NLGN1: variants seen among roughly 807,000 people sequenced by gnomAD.
The protein encoded by NLGN1 is neuroligin-1.
In NLGN1, 12 loss-of-function variants were observed where a neutral mutation model predicts 65.5. The observed-to-expected ratio is 0.18, with a 90% confidence interval of 0.12 to 0.30. The LOEUF (loss-of-function observed/expected upper bound fraction) is 0.30, where lower values mean the gene tolerates loss of function less well. Among genes scored for constraint, NLGN1 ranks in the 10% least tolerant of loss-of-function variants. The pLI is 1.00. For synonymous variants in NLGN1, 350 were observed against 359.5 expected, an observed-to-expected ratio of 0.97 and a Z score of 0.30; for missense variants, 750 against 1,007.1, an observed-to-expected ratio of 0.74 and a Z score of 3.46.
At chr3:173,626,683 G>T (rs1393558656) in intron 3 of NLGN1, among the ~76,000 whole-genome samples, 2 of 152,006 alleles carry the variant, frequency 1.3e-5, no homozygotes, top group Non-Finnish European at 2.9e-5. Flanking sequence ...ACCAGTGTGG[G>T]CCACATACCT....
chr3:173,522,245 G>C (rs1194366019), intron 2 of NLGN1, among the ~76,000 whole-genome samples: 1 of 152,150 alleles, frequency 6.6e-6, no homozygotes, highest in African/African-American at 2.4e-5. Context: ...GTAGGATAAT[G>C]GCCTCTGGCC....
intron 4 of NLGN1, among the ~76,000 whole-genome samples, chr3:174,016,904 T>C (rs1306118831): frequency 6.6e-6 from 1 of 151,872 alleles, no homozygotes; most frequent in African/African-American, 2.4e-5. Flanking sequence ...AAACATTGGA[T>C]TGGGTTGAGA....
At chr3:173,843,712 A>G (rs1467594350) in intron 4 of NLGN1, among the ~76,000 whole-genome samples, 2 of 152,144 alleles carry the variant, frequency 1.3e-5, no homozygotes, top group African/African-American at 2.4e-5. Context: ...CCATATTACT[A>G]TCAGCATTGT....
Position 173,534,276 on chromosome 3 carries a change from C to T in NLGN1, c.-320-70003C>T, listed in dbSNP as rs532576703. On this transcript the variant is annotated intron_variant, in intron 2 of 6. Transcript: ENST00000457714. ...AGATTCTTTTGCAAATAAGTGTCCT[C>T]ATTAATTTCTTAATAGTGTTTTCAC... 6.7e-3 allele frequency among the ~76,000 whole-genome samples: 1,019 copies of T among 152,298 alleles called. 18 individuals are homozygous for T. The highest frequency in any genetic ancestry group is 0.023 in the African/African-American group (964 of 41,576).
At chr3:173,873,263 A>T (rs369116141) in intron 4 of NLGN1, among the ~76,000 whole-genome samples, 4 of 151,838 alleles carry the variant, frequency 2.6e-5, no homozygotes, top group Non-Finnish European at 4.4e-5. Context: ...TAATTTTTGT[A>T]TTTTTAGTAG....
chr3:173,470,672 A>G (rs976425660), intron 2 of NLGN1, among the ~76,000 whole-genome samples: 17 of 152,156 alleles, frequency 1.1e-4, no homozygotes, highest in African/African-American at 4.1e-4. Flanking sequence ...CCAAGTGTCT[A>G]AAACAGTCTT....
chr3:174,002,403 T>G (rs1460863961), intron 4 of NLGN1, among the ~76,000 whole-genome samples: 1 of 152,168 alleles, frequency 6.6e-6, no homozygotes. Flanking sequence ...GCCGGGATTA[T>G]AGGTGTGAGC....
chr3:173,940,080 CTTTTT>C lies in NLGN1; in HGVS notation c.646+132269_646+132273del, dbSNP rs531013909. 8.0e-4 allele frequency among the ~76,000 whole-genome samples: 60 copies of C among 75,420 alleles called. No homozygotes were observed. The East Asian group carries it at 0.026, about 32-fold the overall frequency. The allele number at this position is 75,420 out of a possible 152,430, so 49.5% of individuals were successfully genotyped here. On this transcript the variant is annotated intron_variant, in intron 4 of 6. Coordinates refer to ENST00000457714, the Ensembl canonical transcript of NLGN1. ...AAATTTTACACTCAAATAGTTATAG[CTTTTT>C]TTTTTTTTTTTTTTTTTTTTGAGAT...
intron 4 of NLGN1, among the ~76,000 whole-genome samples, chr3:173,899,505 A>T (rs534588775): frequency 6.6e-6 from 1 of 152,296 alleles, no homozygotes; most frequent in African/African-American, 2.4e-5. Flanking sequence ...ACTATGACCA[A>T]TAGGCCAAAC....
chr3:173,457,868 C>G lies in NLGN1; in HGVS notation c.-321+22790C>G, dbSNP rs551830559. 1.8e-3 allele frequency among the ~76,000 whole-genome samples: 275 copies of G among 152,032 alleles called. 1 individual carries two copies. Among genetic ancestry groups the G allele is most frequent in the African/African-American group, 6.4e-3 (266 of 41,488 alleles). On this transcript the variant is annotated intron_variant, in intron 2 of 6. Transcript: ENST00000457714. Reference sequence around the variant, plus strand: ...TTGGCATTTATGCAAGAGTGAAAGCCTGGAAGTAGAAGCATGTATTTTGCA... The same window carrying G: ...TTGGCATTTATGCAAGAGTGAAAGCGTGGAAGTAGAAGCATGTATTTTGCA...
At chr3:173,433,689 A>G (rs1470541801) in intron 1 of NLGN1, among the ~76,000 whole-genome samples, 1 of 151,978 alleles carries the variant, frequency 6.6e-6, no homozygotes, top group Non-Finnish European at 1.5e-5. Flanking sequence ...TTGAGTGTTT[A>G]ATTTATAAGC....
At chr3:174,017,042 A>G (rs1036602287) in intron 4 of NLGN1, among the ~76,000 whole-genome samples, 1 of 152,184 alleles carries the variant, frequency 6.6e-6, no homozygotes, top group African/African-American at 2.4e-5. Flanking sequence ...AGCTCTTGAC[A>G]GTAGTGTGTG....
At chr3:173,428,989 G>A (rs1716670247) in intron 1 of NLGN1, among the ~76,000 whole-genome samples, 1 of 151,916 alleles carries the variant, frequency 6.6e-6, no homozygotes, top group Non-Finnish European at 1.5e-5. Context: ...TCTTATTTGG[G>A]TTGAATCAGG....
intron 3 of NLGN1, among the ~76,000 whole-genome samples, chr3:173,762,587 G>A (rs1479499505): frequency 1.3e-5 from 2 of 151,858 alleles, no homozygotes; most frequent in Non-Finnish European, 2.9e-5. Context: ...GTTTTATTAT[G>A]TTTACTACAC....
intron 3 of NLGN1, among the ~76,000 whole-genome samples, chr3:173,699,886 T>C (rs367654661): frequency 1.9e-4 from 29 of 152,140 alleles, no homozygotes; most frequent in African/African-American, 6.5e-4. Flanking sequence ...AGGAGGAAGA[T>C]AGAAAAAGAA....
intron 4 of NLGN1, among the ~76,000 whole-genome samples, chr3:174,003,046 A>C (rs1723619648): frequency 6.6e-6 from 1 of 152,186 alleles, no homozygotes; most frequent in African/African-American, 2.4e-5. Context: ...CAGAAAGTTG[A>C]GGATGAGTGA....
chr3:174,086,565 C>T (rs923072375), intron 4 of NLGN1, among the ~76,000 whole-genome samples: 3 of 151,122 alleles, frequency 2.0e-5, no homozygotes, highest in African/African-American at 7.3e-5. Flanking sequence ...TTTTATAACT[C>T]AGTATAAGCC....
intron 3 of NLGN1, among the ~76,000 whole-genome samples, chr3:173,612,858 GT>G (rs562484168): frequency 5.5e-4 from 83 of 152,216 alleles, no homozygotes; most frequent in African/African-American, 1.9e-3. Context: ...AGAAGAATCA[GT>G]TCTGGGCCTC....
intron 3 of NLGN1, among the ~76,000 whole-genome samples, chr3:173,754,193 C>G (rs1479662532): frequency 2.6e-5 from 4 of 151,658 alleles, no homozygotes; most frequent in Non-Finnish European, 4.4e-5. Flanking sequence ...ACTGCAGGTA[C>G]AGGCCACCAT....
Sources: gnomAD v4.1 joint callset for allele counts (sites outside exome capture counted in the v4.1 genomes callset) on GRCh38, gnomAD v4.1.1 for gene constraint, MANE v1.5 for transcripts, NCBI Gene and HGNC (gene_info 2026-07-23, HGNC 2026-07-21) for gene names.